Variants in CAMK4 observed in about 807,000 individuals in gnomAD.
The protein encoded by CAMK4 is calcium/calmodulin-dependent protein kinase type IV.
In CAMK4, 22 loss-of-function variants were observed where a neutral mutation model predicts 44.9. The ratio of observed to expected loss-of-function variants is 0.49; its 90% CI spans 0.35 to 0.70. CAMK4 has a LOEUF of 0.70. CAMK4 is among the 30% of genes least tolerant of loss of function. CAMK4 has a pLI of 0.01. For synonymous variants in CAMK4, 218 were observed against 215.4 expected (o/e 1.01, Z -0.11); for missense variants, 498 against 586.8 (o/e 0.85, Z 1.56).
intron 1 of CAMK4, among the ~76,000 whole-genome samples, chr5:111,231,377 A>C (rs1391203325): frequency 2.6e-5 from 4 of 152,162 alleles, no homozygotes; most frequent in Admixed American, 2.6e-4. Flanking sequence ...TGTCCTGTGC[A>C]CTGTAGGATG....
chr5:111,273,696 T>TAC (rs1750622548), intron 1 of CAMK4, among the ~76,000 whole-genome samples: 1 of 53,150 alleles, frequency 1.9e-5, no homozygotes, highest in Non-Finnish European at 3.2e-5. Flanking sequence ...TATATATATA[T>TAC]ATATATATAT....
chr5:111,430,208 GAAA>G (rs1434241777), intron 5 of CAMK4, among the ~76,000 whole-genome samples: 2 of 152,062 alleles, frequency 1.3e-5, no homozygotes, highest in African/African-American at 4.8e-5. Context: ...CAGAATGAGG[GAAA>G]AAAACCATGT....
At chr5:111,400,430 TA>T (rs2112873468) in intron 5 of CAMK4, among the ~76,000 whole-genome samples, 1 of 152,310 alleles carries the variant, frequency 6.6e-6, no homozygotes, top group African/African-American at 2.4e-5. Flanking sequence ...ACATTTCCTC[TA>T]GATAACTTAT....
intron 1 of CAMK4, among the ~76,000 whole-genome samples, chr5:111,334,684 C>T (rs561328615): frequency 6.6e-6 from 1 of 151,434 alleles, no homozygotes; most frequent in Non-Finnish European, 1.5e-5. Context: ...ATATTTTCAA[C>T]CTATGATTGA....
chr5:111,325,095 C>T lies in CAMK4; in HGVS notation c.162-18929C>T, dbSNP rs752233667. 1.1e-4 allele frequency among the ~76,000 whole-genome samples: 17 copies of T among 151,722 alleles called. No homozygotes were observed. In the East Asian group the frequency reaches 1.7e-3, roughly 16 times the overall value. On this transcript the variant is annotated intron_variant, in intron 1 of 10. Transcript: ENST00000282356. ...ACTCCCGCTTATGAGTGAGAACATGCGGTGTTTGGTTTTCTGTTCCTATGT... is the reference window on the plus strand; with the variant it reads ...ACTCCCGCTTATGAGTGAGAACATGTGGTGTTTGGTTTTCTGTTCCTATGT...
chr5:111,262,870 C>G (rs1750050170), intron 1 of CAMK4, among the ~76,000 whole-genome samples: 2 of 152,176 alleles, frequency 1.3e-5, no homozygotes, highest in African/African-American at 4.8e-5. Context: ...TTCTGACTTA[C>G]TATTTATTAA....
At chr5:111,249,609 G>T (rs895172020) in intron 1 of CAMK4, among the ~76,000 whole-genome samples, 5 of 137,478 alleles carry the variant, frequency 3.6e-5, no homozygotes, top group Non-Finnish European at 4.8e-5. Context: ...TTTTATTCTT[G>T]GTTCTTTTAT....
At chr5:111,423,708 G>C (rs1753113029) in intron 5 of CAMK4, among the ~76,000 whole-genome samples, 1 of 152,166 alleles carries the variant, frequency 6.6e-6, no homozygotes, top group South Asian at 2.1e-4. Context: ...TATACCTTCA[G>C]TTCTTTGTAT....
intron 4 of CAMK4, among the ~76,000 whole-genome samples, chr5:111,381,748 A>G (rs1751424391): frequency 6.6e-6 from 1 of 151,998 alleles, no homozygotes; most frequent in Non-Finnish European, 1.5e-5. Context: ...TTTTTATTTT[A>G]TTGAGTTTGT....
rs1046727641 is a variant in CAMK4 at position 111,270,688 on chromosome 5, C to G, written c.161+46044C>G. ...TTCCATACTCTATTGAAAGTATTCC[C>G]CAATTCTATTCTTCATGTCACCAGC... On this transcript the variant is annotated intron_variant, in intron 1 of 10. Transcript: ENST00000282356. 3.0e-4 allele frequency among the ~76,000 whole-genome samples: 46 copies of G among 152,180 alleles called. 1 individual carries two copies. The highest frequency in any genetic ancestry group is 1.1e-3 in the African/African-American group (46 of 41,440).
intron 5 of CAMK4, among the ~76,000 whole-genome samples, chr5:111,425,650 T>C (rs1753200344): frequency 6.6e-6 from 1 of 152,254 alleles, no homozygotes; most frequent in African/African-American, 2.4e-5. Context: ...ATGACAAGTA[T>C]AACCAATATT....
At chr5:111,249,642 ATATG>A (rs1198885566) in intron 1 of CAMK4, among the ~76,000 whole-genome samples, 10 of 129,778 alleles carry the variant, frequency 7.7e-5, no homozygotes, top group South Asian at 2.2e-4. Flanking sequence ...ATATATATAT[ATATG>A]TGTGTGTGTG....
intron 1 of CAMK4, among the ~76,000 whole-genome samples, chr5:111,298,652 G>A (rs1357900095): frequency 1.3e-5 from 2 of 152,134 alleles, no homozygotes; most frequent in African/African-American, 4.8e-5. Context: ...ACTATCCCTG[G>A]AGCAGGTGTC....
chr5:111,238,381 T>G (rs1259038029), intron 1 of CAMK4, among the ~76,000 whole-genome samples: 1 of 152,120 alleles, frequency 6.6e-6, no homozygotes, highest in Non-Finnish European at 1.5e-5. Flanking sequence ...GAGGCATTAG[T>G]GCTCTTATTA....
At chr5:111,354,631 C>G (rs1239176241) in intron 2 of CAMK4, among the ~76,000 whole-genome samples, 1 of 142,202 alleles carries the variant, frequency 7.0e-6, no homozygotes, top group East Asian at 2.1e-4. Flanking sequence ...ATCACTTGAA[C>G]CCGGGAGATG....
intron 1 of CAMK4, among the ~76,000 whole-genome samples, chr5:111,300,636 A>G (rs1340799509): frequency 6.6e-6 from 1 of 152,214 alleles, no homozygotes; most frequent in Non-Finnish European, 1.5e-5. Context: ...AAATGAATAA[A>G]TGAGTTTTTT....
Position 111,486,428 on chromosome 5 carries a change from C to G in CAMK4, c.*1962C>G, listed in dbSNP as rs901416938. The G allele has an allele frequency of 2.7e-5, 4 of 150,930 alleles. No homozygotes were observed. Among genetic ancestry groups the G allele is most frequent in the Non-Finnish European group, 1.5e-5 (1 of 67,880 alleles). The allele number at this position is 150,930 out of a possible 1,614,324, so 9.3% of individuals were successfully genotyped here. A position where few individuals can be genotyped will look rare whatever the true frequency, so the allele number is the denominator to read the frequency against. On this transcript the variant is annotated 3_prime_UTR_variant, in exon 11 of 11. Transcript: ENST00000282356. ...CGCTATTTTTAACCTTTAAGAATGTCTTCTTTGTTAAGCATTAAGATTTCC... is the reference window on the plus strand; with the variant it reads ...CGCTATTTTTAACCTTTAAGAATGTGTTCTTTGTTAAGCATTAAGATTTCC...
At chr5:111,381,285 G>C (rs534641083) in intron 4 of CAMK4, among the ~76,000 whole-genome samples, 1 of 152,252 alleles carries the variant, frequency 6.6e-6, no homozygotes, top group Non-Finnish European at 1.5e-5. Context: ...GACTCACGCA[G>C]TCACAAGGTG....
intron 1 of CAMK4, among the ~76,000 whole-genome samples, chr5:111,256,953 GA>G (rs1749769284): frequency 6.6e-6 from 1 of 152,134 alleles, no homozygotes; most frequent in Non-Finnish European, 1.5e-5. Flanking sequence ...CTTTTAAGCA[GA>G]AAATTGAAAC....
Sources: allele counts gnomAD v4.1 joint callset (sites outside exome capture counted in the v4.1 genomes callset), GRCh38; gene constraint gnomAD v4.1.1; transcripts MANE v1.5; gene names NCBI Gene and HGNC (gene_info 2026-07-23, HGNC 2026-07-21).